Variants in JPH2 observed in about 807,000 individuals in gnomAD.
JPH2 encodes junctophilin-2.
In JPH2, 38 loss-of-function variants were observed where a neutral mutation model predicts 55.9. The observed-to-expected ratio is 0.68, with a 90% confidence interval of 0.52 to 0.89. The LOEUF (loss-of-function observed/expected upper bound fraction) is 0.89, where lower values mean the gene tolerates loss of function less well. Among genes scored for constraint, JPH2 ranks in the 40% least tolerant of loss-of-function variants. JPH2 has a pLI of 0.00. For missense variants in JPH2, 964 were observed against 1,037.6 expected (o/e 0.93, Z 0.97); for synonymous variants, 480 against 472.4 (o/e 1.02, Z -0.21).
At position 44,116,303 on chromosome 20, in the gene JPH2, C is replaced by T. The variant is rs2072191947; in HGVS notation, c.1372G>A (p.Gly458Ser). The change falls in exon 4 of 6, where the codon GGC becomes AGC. Residue 458 changes from glycine (G) to serine (S), a missense_variant. Physicochemically the swap from Gly to Ser is moderately conservative, Grantham distance 56. Transcript: ENST00000372980. ...GGCGGCTGTGGGAGGCCCGCTGCGC[C>T]GGCGCCCCGGTCGGGGGGCTCCAGC... The part of the protein sequence containing the change: ...SLLEPPDRGA[G>S]AAGLPQPPRE... 3.2e-6 allele frequency: 5 copies of T among 1,541,060 alleles called. No individual in the cohort carries two copies. The highest frequency in any genetic ancestry group is 1.4e-5 in the African/African-American group (1 of 72,724).
In JPH2 at chr20:44,116,216, G is replaced by C. The variant is rs919085890; in HGVS notation, c.1459C>G (p.Pro487Ala). ...TPRPEGGSPS[P>A]AGTPPQPKRP... Reference sequence around the variant, plus strand: ...TTGGGCTGCGGGGGCGTCCCGGCCGGTGACGGGGAGCCACCCTCGGGCCGA... The same window carrying C: ...TTGGGCTGCGGGGGCGTCCCGGCCGCTGACGGGGAGCCACCCTCGGGCCGA... Residue 487 changes from proline (P) to alanine (A), a missense_variant, in exon 4 of 6, where the codon CCG (proline) becomes GCG (alanine). Transcript: ENST00000372980. 5.0e-6 allele frequency: 7 copies of C among 1,396,658 alleles called. No homozygotes were observed. Among genetic ancestry groups the C allele is most frequent in the African/African-American group, 3.1e-5 (2 of 65,498 alleles). The allele number at this position is 1,396,658 out of a possible 1,614,324, so 86.5% of individuals were successfully genotyped here. A position where few individuals can be genotyped will look rare whatever the true frequency, so the allele number is the denominator to read the frequency against.
chr20:44,137,709 G>A (rs2072424295), intron 2 of JPH2, among the ~76,000 whole-genome samples: 2 of 152,202 alleles, frequency 1.3e-5, no homozygotes, highest in Admixed American at 6.5e-5. Flanking sequence ...GCCAGGTACT[G>A]GAGGTCCAGA....
rs143158930 is a variant in JPH2, at chr20:44,159,650, G to T, written c.1137C>A (p.Ile379=). The change falls in exon 2 of 6, where the codon ATC becomes ATA. Residue 379 remains isoleucine (I), a synonymous_variant. Transcript: ENST00000372980. This position sits in a 1 kb window ranked among gnomAD's most constrained non-coding sequence, Gnocchi z 5.7. ...CGGCAATCTCGGCCTTCTGGCGCGC[G>T]ATAGCAGCGGCGCGCTGGGCACCCT... is the stretch of plus-strand genomic sequence containing the variant. ...SVEGAQRAAA[I]ARQKAEIAAS... The T allele has an allele frequency of 2.1e-4, 331 of 1,607,916 alleles. 1 individual carries two copies. In the Admixed American group the frequency reaches 4.7e-3, roughly 23 times the overall value.
rs1161544318 is a variant in JPH2, at chr20:44,108,609, G to A, written c.*4909C>T. Among the ~76,000 whole-genome samples, 5 of 146,352 alleles carry A rather than the reference G, an allele frequency of 3.4e-5. No individual in the cohort carries two copies. Among genetic ancestry groups the A allele is most frequent in the Non-Finnish European group, 5.9e-5 (4 of 67,356 alleles). On this transcript the variant is annotated 3_prime_UTR_variant, in exon 6 of 6. Coordinates refer to ENST00000372980, the MANE Select transcript of JPH2 (RefSeq NM_020433.5). ...CTGTATACCATTGCACTCCAGCCTG[G>A]GTGACAGAATGAGACTCTGTCTCAA...
chr20:44,165,665 C>T (rs1297052722), intron 1 of JPH2, among the ~76,000 whole-genome samples: 1 of 152,180 alleles, frequency 6.6e-6, no homozygotes, highest in Non-Finnish European at 1.5e-5. Context: ...TCCTCTCCCG[C>T]CATCCTCCCC....
At chr20:44,174,774 G>A (rs1435092470) in intron 1 of JPH2, among the ~76,000 whole-genome samples, 1 of 152,130 alleles carries the variant, frequency 6.6e-6, no homozygotes, top group Non-Finnish European at 1.5e-5. Context: ...GCTGAGGTGG[G>A]TGGATCTCTT....
chr20:44,116,407 G>A (rs796300440), intron 3 of JPH2, 21 bp from the exon 4 acceptor site: 5 of 1,545,478 alleles, frequency 3.2e-6, no homozygotes, highest in African/African-American at 1.4e-5. Context: ...AACACAGGGA[G>A]GCTGGGCTCG....
intron 2 of JPH2, among the ~76,000 whole-genome samples, chr20:44,129,252 T>C (rs1460909457): frequency 7.2e-5 from 11 of 152,000 alleles, no homozygotes; most frequent in Admixed American, 7.2e-4. Context: ...CCGGGCAAAG[T>C]AATAAGTGTT....
In JPH2 at chr20:44,178,751, T is replaced by C. The variant is rs143093639; in HGVS notation, c.379+7576A>G. Reference sequence around the variant, plus strand: ...AATTTACTCTGATTTTATGACAATATAAAGCTACAGTAACCAAGGCAGCAT... The same window carrying C: ...AATTTACTCTGATTTTATGACAATACAAAGCTACAGTAACCAAGGCAGCAT... On this transcript the variant is annotated intron_variant, in intron 1 of 5. Transcript: ENST00000372980. Among the ~76,000 whole-genome samples the C allele has an allele frequency of 2.1e-3, 327 of 152,326 alleles. 11 individuals carry two copies. The East Asian group carries it at 0.04, about 19-fold the overall frequency.
chr20:44,143,831 A>C (rs1600848608), intron 2 of JPH2, among the ~76,000 whole-genome samples: 1 of 152,072 alleles, frequency 6.6e-6, no homozygotes, highest in Non-Finnish European at 1.5e-5. Context: ...TGGCAGGAGG[A>C]GGCATGAAAA....
At chr20:44,117,153 C>T (rs2072199109) in intron 3 of JPH2, among the ~76,000 whole-genome samples, 1 of 152,204 alleles carries the variant, frequency 6.6e-6, no homozygotes, top group Non-Finnish European at 1.5e-5. Flanking sequence ...GTGGCGCGTG[C>T]CTGTAATCCC....
Position 44,186,594 on chromosome 20 carries a change from A to G in JPH2, c.112T>C (p.Tyr38His), listed in dbSNP as rs995578940. 1 of 1,613,738 alleles carries G rather than the reference A, an allele frequency of 6.2e-7. No homozygotes were observed. Among genetic ancestry groups the G allele is most frequent in the Non-Finnish European group, 8.5e-7 (1 of 1,180,002 alleles). The change falls in exon 1 of 6, where the codon TAC becomes CAC. Residue 38 changes from tyrosine (Y) to histidine (H), a missense_variant. Coordinates refer to ENST00000372980, the MANE Select transcript of JPH2 (RefSeq NM_020433.5). ...AAGCCAAAGTTCCAGGAGCCAGAGT[A>G]TTCGCCCTGGCCCTTGGGGCCTGTG... Reference protein sequence around the residue: ...LCTGPKGQGEYSGSWNFGFEV... With the variant: ...LCTGPKGQGEHSGSWNFGFEV...
chr20:44,137,921 G>T (rs2072426016), intron 2 of JPH2, among the ~76,000 whole-genome samples: 1 of 152,052 alleles, frequency 6.6e-6, no homozygotes, highest in South Asian at 2.1e-4. Flanking sequence ...TCTACTGGCA[G>T]GACCAAGAAT....
chr20:44,154,501 T>C (rs1301239541), intron 2 of JPH2, among the ~76,000 whole-genome samples: 1 of 152,224 alleles, frequency 6.6e-6, no homozygotes, highest in Non-Finnish European at 1.5e-5. Context: ...AGCCCAGGTC[T>C]AGAATCTTTT....
chr20:44,162,781 TATATATACACACAC>T (rs1487876981), intron 1 of JPH2, among the ~76,000 whole-genome samples: 3 of 70,040 alleles, frequency 4.3e-5, no homozygotes, highest in African/African-American at 1.2e-4. Flanking sequence ...TATATATATA[TATATATACACACAC>T]ACACACACAC....
intron 1 of JPH2, among the ~76,000 whole-genome samples, chr20:44,168,596 G>T (rs564363082): frequency 6.6e-6 from 1 of 152,190 alleles, no homozygotes; most frequent in Non-Finnish European, 1.5e-5. Context: ...TGGAAAAGCC[G>T]AAACTAAGAA....
At chr20:44,116,424 G>A (rs1033335221) in intron 3 of JPH2, 38 bp from the exon 4 acceptor site, 30 of 1,541,770 alleles carry the variant, frequency 1.9e-5, no homozygotes, top group Non-Finnish European at 2.5e-5. Flanking sequence ...CTCGAACCCC[G>A]CACCACTGTT....
chr20:44,115,444 T>C (rs983702088), intron 4 of JPH2, among the ~76,000 whole-genome samples: 2 of 152,144 alleles, frequency 1.3e-5, no homozygotes, highest in Non-Finnish European at 1.5e-5. Context: ...GGTGCAAAGG[T>C]AGGAGGACTC....
chr20:44,177,551 A>G (rs2145895407), intron 1 of JPH2: 1 of 1,143,708 alleles, frequency 8.7e-7, no homozygotes, highest in East Asian at 6.4e-5. Context: ...TGGGGTCTCC[A>G]TAGAATGCCC....
Sources: gnomAD v4.1 joint callset for allele counts (sites outside exome capture counted in the v4.1 genomes callset) on GRCh38, gnomAD v4.1.1 for gene constraint, Gnocchi (gnomAD v3.1) non-coding constraint, MANE v1.5 for transcripts, NCBI Gene and HGNC (gene_info 2026-07-23, HGNC 2026-07-21) for gene names.